The following ADGRE2 variants were observed in gnomAD, a reference collection of about 807,000 sequenced individuals.
ADGRE2 encodes adhesion G protein-coupled receptor E2.
Under a neutral mutation model 100.8 loss-of-function variants are expected in ADGRE2, and 83 were observed. That is an observed-to-expected ratio of 0.82 (90% confidence interval 0.69 to 0.99). The LOEUF is 0.99. ADGRE2 is among the 50% of genes least tolerant of loss of function. The pLI is 0.00. For synonymous variants in ADGRE2, 355 were observed against 413.0 expected (o/e 0.86, Z 1.70); for missense variants, 814 against 1,035.7 (o/e 0.79, Z 2.94).
At chr19:14,748,055 G>C (rs1393313243) in intron 16 of ADGRE2, among the ~76,000 whole-genome samples, 1 of 152,000 alleles carries the variant, frequency 6.6e-6, no homozygotes, top group Non-Finnish European at 1.5e-5. Flanking sequence ...CGGCGGTTTG[G>C]TGTACAGATT....
At chr19:14,739,231 A>G (rs1435628101) in intron 20 of ADGRE2, among the ~76,000 whole-genome samples, 1 of 152,072 alleles carries the variant, frequency 6.6e-6, no homozygotes, top group East Asian at 1.9e-4. Flanking sequence ...TGGCCTCCCA[A>G]AGTGTTGGGA....
At chr19:14,743,968 G>A (rs1198503923) in intron 18 of ADGRE2, among the ~76,000 whole-genome samples, 184 bp from the exon 19 acceptor site, 3 of 152,118 alleles carry the variant, frequency 2.0e-5, no homozygotes, top group Admixed American at 6.6e-5. Context: ...GGTTGGCCAC[G>A]GTGGCTCATG....
In ADGRE2 at chr19:14,765,302, C is replaced by T. The variant is rs766684783; in HGVS notation, c.906+18G>A. The T allele has an allele frequency of 2.5e-6, 4 of 1,613,870 alleles. No homozygotes were observed. The African/African-American group carries it at 5.3e-5, about 22-fold the overall frequency. On this transcript the variant is annotated intron_variant, in intron 10 of 20. Transcript: ENST00000315576. ...CCACCTTCCTGCCTCGCCCCCTTGC[C>T]CTGGGTCCTGTCCTTACCTGGATGG...
chr19:14,751,678 G>T lies in ADGRE2; in HGVS notation c.1789-7C>A, dbSNP rs757310179. On this transcript the variant is annotated splice_polypyrimidine_tract_variant and splice_region_variant and intron_variant, in intron 15 of 20. Transcript: ENST00000315576. ...CGATGATGGAGCACAGCACCTGGCGGAGAAGTAAAAGACGCCCAGAGCGGC... is the reference window on the plus strand; with the variant it reads ...CGATGATGGAGCACAGCACCTGGCGTAGAAGTAAAAGACGCCCAGAGCGGC... 330 of 1,610,204 alleles carry T rather than the reference G, an allele frequency of 2.0e-4. No homozygotes were observed. Among genetic ancestry groups the T allele is most frequent in the Admixed American group, 6.2e-4 (37 of 59,942 alleles).
chr19:14,746,231 C>T lies in ADGRE2; in HGVS notation c.2183+1G>A. 1.9e-6 allele frequency: 3 copies of T among 1,574,108 alleles called. No individual in the cohort carries two copies. Among genetic ancestry groups the T allele is most frequent in the Non-Finnish European group, 2.6e-6 (3 of 1,145,220 alleles). ...GGTTATCACCCCCTTCTCCATCTTACCTTGTGTTCCGGAGGGTGGACACTT... is the reference window on the plus strand; with the variant it reads ...GGTTATCACCCCCTTCTCCATCTTATCTTGTGTTCCGGAGGGTGGACACTT... On this transcript the variant is annotated splice_donor_variant, in intron 18 of 20. Coordinates refer to ENST00000315576, the MANE Select transcript of ADGRE2 (RefSeq NM_013447.4). LOFTEE classifies it high-confidence loss of function.
At chr19:14,748,607 G>T (rs539273534) in intron 16 of ADGRE2, among the ~76,000 whole-genome samples, 2 of 152,214 alleles carry the variant, frequency 1.3e-5, no homozygotes, top group South Asian at 2.1e-4. Context: ...GCACCCGGCC[G>T]ATCTCCTTAT....
downstream of ADGRE2, chr19:14,731,531 C>T (rs1415761144): frequency 1.1e-5 from 3 of 276,276 alleles, no homozygotes; most frequent in Non-Finnish European, 2.0e-5. Context: ...TGGACCCCCA[C>T]GGTGGAGAGC....
At chr19:14,727,024 CTTTTTT>C in the ADGRE2 span, among the ~76,000 whole-genome samples, 2 of 70,098 alleles carry the variant, frequency 2.9e-5, no homozygotes, top group Non-Finnish European at 4.9e-5. Context: ...AGAAAAGAGG[CTTTTTT>C]TTTTTTTTTT....
chr19:14,755,011 G>GATGGTGCTGGTGTCTCTGGTGCCT lies in ADGRE2; in HGVS notation c.1509_1532dup (p.Gly504_Ile511dup). On this transcript the variant is annotated inframe_insertion, in exon 14 of 21. Transcript: ENST00000315576. ...AGCTGCTCAGGTGGGTGCAACGGCA[G>GATGGTGCTGGTGTCTCTGGTGCCT]ATGGTGCTGGTGTCTCTGGTGCCTA... 6.2e-7 allele frequency: 1 copy of GATGGTGCTGGTGTCTCTGGTGCCT among 1,614,188 alleles called. No individual in the cohort carries two copies. Among genetic ancestry groups the GATGGTGCTGGTGTCTCTGGTGCCT allele is most frequent in the Non-Finnish European group, 8.5e-7 (1 of 1,180,046 alleles).
chr19:14,766,491 A>T, intron 6 of ADGRE2, 110 bp from the exon 7 acceptor site: 1 of 1,354,820 alleles, frequency 7.4e-7, no homozygotes, highest in Admixed American at 2.4e-5. Context: ...GAAGACCATT[A>T]TTGCACGTGC....
At chr19:14,728,437 T>G (rs1054869844), downstream of ADGRE2, among the ~76,000 whole-genome samples, 1 of 152,244 alleles carries the variant, frequency 6.6e-6, no homozygotes, top group Non-Finnish European at 1.5e-5. Context: ...AGGTCTCTTC[T>G]GTAGCTTCAT....
chr19:14,733,963 G>A lies in ADGRE2; in HGVS notation c.*2273C>T, dbSNP rs2732796. The A allele has an allele frequency of 0.22, 34,055 of 152,106 alleles. 4,047 individuals carry two copies. Among genetic ancestry groups the A allele is most frequent in the Non-Finnish European group, 0.26 (17,684 of 67,986 alleles). 9.4% of individuals were successfully genotyped at this position (152,106 alleles called of 1,614,324 possible). A position where few individuals can be genotyped will look rare whatever the true frequency, so the allele number is the denominator to read the frequency against. On this transcript the variant is annotated 3_prime_UTR_variant, in exon 21 of 21. Transcript: ENST00000315576. ...AAATCAATACTCATTGAGCTTATAC[G>A]GACAGGCACAGAGCAGTGAAAAATG... is the stretch of plus-strand genomic sequence containing the variant.
At chr19:14,770,763 TCTGCCTCTGGGTTCAGGTGATTCTC>T (rs2044178057) in intron 5 of ADGRE2, among the ~76,000 whole-genome samples, 1 of 135,950 alleles carries the variant, frequency 7.4e-6, no homozygotes, top group South Asian at 2.6e-4. Flanking sequence ...CACTGCAACC[TCTGCCTCTGGGTTCAGGTGATTCTC>T]CTGCCTCAGC....
At chr19:14,732,246 T>A (rs966932496), downstream of ADGRE2, 1 of 152,202 alleles carries the variant, frequency 6.6e-6, no homozygotes, top group South Asian at 2.1e-4. Flanking sequence ...CCCAACAGCA[T>A]GTGCTCACTT....
downstream of ADGRE2, among the ~76,000 whole-genome samples, chr19:14,729,126 G>T (rs1323895281): frequency 6.6e-6 from 1 of 152,124 alleles, no homozygotes; most frequent in Non-Finnish European, 1.5e-5. Flanking sequence ...GCTGTTTATA[G>T]TAACTTGGGG....
chr19:14,751,725 A>G (rs2147229398), intron 15 of ADGRE2, 54 bp from the exon 16 acceptor site: 7 of 1,320,450 alleles, frequency 5.3e-6, no homozygotes, highest in Middle Eastern at 1.8e-4. Flanking sequence ...AGTGTGGCCC[A>G]TGGCTTCTCC....
In ADGRE2 at chr19:14,756,239, T is replaced by TG. The variant is rs761659333; in HGVS notation, c.1190dup (p.Gly398ArgfsTer19). ...CCACCTCCCCATCTCAGCCATTACC[T>TG]GGGTCACCAGATTTCTGTGCCTGAT... is the stretch of plus-strand genomic sequence containing the variant. On this transcript the variant is annotated frameshift_variant and splice_region_variant, in exon 12 of 21. Transcript: ENST00000315576. LOFTEE classifies it high-confidence loss of function. 6.2e-7 allele frequency: 1 copy of TG among 1,611,640 alleles called. No individual in the cohort carries two copies. The highest frequency in any genetic ancestry group is 8.5e-7 in the Non-Finnish European group (1 of 1,177,810).
intron 5 of ADGRE2, among the ~76,000 whole-genome samples, chr19:14,767,466 C>A (rs1210824887): frequency 6.6e-6 from 1 of 152,126 alleles, no homozygotes; most frequent in Non-Finnish European, 1.5e-5. Context: ...GTCTTGATCT[C>A]CTGACCTCGT....
chr19:14,746,868 G>A, intron 17 of ADGRE2, 28 bp downstream of exon 17: 1 of 1,603,324 alleles, frequency 6.2e-7, no homozygotes, highest in Non-Finnish European at 8.5e-7. Context: ...CAGCGGGGCA[G>A]CGAGGATGCT....
Sources: allele counts gnomAD v4.1 joint callset (sites outside exome capture counted in the v4.1 genomes callset), GRCh38; gene constraint gnomAD v4.1.1; transcripts MANE v1.5; gene names NCBI Gene and HGNC (gene_info 2026-07-23, HGNC 2026-07-21).